PBX3: variants seen among roughly 807,000 people sequenced by gnomAD.
PBX3 encodes the protein pre-B-cell leukemia transcription factor 3.
Under a neutral mutation model 48.5 loss-of-function variants are expected in PBX3, and 14 were observed. The observed-to-expected ratio is 0.29, with a 90% confidence interval of 0.19 to 0.45. PBX3 has a LOEUF of 0.45. PBX3 is among the 20% of genes least tolerant of loss of function. The pLI is 1.00. For synonymous variants in PBX3, 210 were observed against 200.3 expected (o/e 1.05, Z -0.41); for missense variants, 386 against 546.7 (o/e 0.71, Z 2.93).
intron 2 of PBX3, among the ~76,000 whole-genome samples, chr9:125,775,088 A>G (rs905114353): frequency 2.6e-5 from 4 of 152,078 alleles, no homozygotes; most frequent in East Asian, 3.9e-4. Context: ...GCTGGTCTCA[A>G]ACTCCTGACT....
chr9:125,895,824 T>G (rs1482835936), intron 2 of PBX3, among the ~76,000 whole-genome samples: 2 of 152,052 alleles, frequency 1.3e-5, no homozygotes, highest in African/African-American at 4.8e-5. Context: ...AGCAGGTGTT[T>G]CTTCCATGTC....
At chr9:125,913,450 T>A (rs1025345935) in intron 2 of PBX3, among the ~76,000 whole-genome samples, 6 of 152,154 alleles carry the variant, frequency 3.9e-5, no homozygotes, top group African/African-American at 1.4e-4. Context: ...TGCTTCTTAT[T>A]GGTACAATAA....
chr9:125,908,014 G>C (rs1841116569), intron 2 of PBX3, among the ~76,000 whole-genome samples: 1 of 152,082 alleles, frequency 6.6e-6, no homozygotes, highest in South Asian at 2.1e-4. Flanking sequence ...TGCTCAATGT[G>C]TTTGAATTTG....
At chr9:125,811,046 A>G (rs1588170384) in intron 2 of PBX3, among the ~76,000 whole-genome samples, 1 of 152,162 alleles carries the variant, frequency 6.6e-6, no homozygotes, top group Non-Finnish European at 1.5e-5. Flanking sequence ...AGTAGCTAGC[A>G]TAGCTCCCAT....
At chr9:125,810,444 A>G (rs1253363047) in intron 2 of PBX3, among the ~76,000 whole-genome samples, 1 of 151,940 alleles carries the variant, frequency 6.6e-6, no homozygotes, top group African/African-American at 2.4e-5. Context: ...CTAGAAAACC[A>G]TACATGTAAG....
chr9:125,960,883 A>G, intron 6 of PBX3, 34 bp downstream of exon 6: 2 of 1,604,062 alleles, frequency 1.2e-6, no homozygotes, highest in Non-Finnish European at 8.5e-7. Flanking sequence ...CAACTGGCCC[A>G]GGCAGCCTTA....
chr9:125,793,399 T>C (rs960106220), intron 2 of PBX3, among the ~76,000 whole-genome samples: 1 of 128,798 alleles, frequency 7.8e-6, no homozygotes, highest in Non-Finnish European at 1.6e-5. Flanking sequence ...ATATTTACTA[T>C]TAAGTGGAAG....
chr9:125,866,707 C>T (rs1438525917), intron 2 of PBX3, among the ~76,000 whole-genome samples: 1 of 152,098 alleles, frequency 6.6e-6, no homozygotes, highest in East Asian at 1.9e-4. Context: ...ATCCTTTGTT[C>T]TAAAATGGCA....
In PBX3 at chr9:125,939,737, C is replaced by T. The variant is rs138946958; in HGVS notation, c.843+4130C>T. The stretch of plus-strand genomic sequence containing the variant: ...TATAATCCCACAATGGAGCACTATT[C>T]AGCAATGGAAAAAGAATGATCTACA... On this transcript the variant is annotated intron_variant, in intron 5 of 8. Coordinates refer to ENST00000373489, the MANE Select transcript of PBX3 (RefSeq NM_006195.6). Among the ~76,000 whole-genome samples, 14 of 152,208 alleles carry T rather than the reference C, an allele frequency of 9.2e-5. No individual in the cohort carries two copies. In the East Asian group the frequency reaches 2.5e-3, roughly 27 times the overall value.
chr9:125,856,119 A>C (rs1489343735), intron 2 of PBX3, among the ~76,000 whole-genome samples: 3 of 152,156 alleles, frequency 2.0e-5, no homozygotes, highest in Non-Finnish European at 4.4e-5. Context: ...TTTGCTATAG[A>C]AACAATGGAC....
chr9:125,907,688 C>T (rs1841107230), intron 2 of PBX3, among the ~76,000 whole-genome samples: 1 of 152,006 alleles, frequency 6.6e-6, no homozygotes, highest in Admixed American at 6.6e-5. Context: ...ACTCCAAAGC[C>T]ATGTTCTCCA....
At chr9:125,812,121 G>C (rs1230770935) in intron 2 of PBX3, among the ~76,000 whole-genome samples, 1 of 152,278 alleles carries the variant, frequency 6.6e-6, no homozygotes, top group East Asian at 1.9e-4. Flanking sequence ...TTGATCTTGG[G>C]CTTCCTAGCT....
At chr9:125,861,186 C>G (rs2132289704) in intron 2 of PBX3, among the ~76,000 whole-genome samples, 1 of 151,798 alleles carries the variant, frequency 6.6e-6, no homozygotes, top group African/African-American at 2.4e-5. Context: ...TCCTAGCTAC[C>G]CGGGAGGTTG....
At chr9:125,868,369 C>T (rs1305822764) in intron 2 of PBX3, among the ~76,000 whole-genome samples, 1 of 152,120 alleles carries the variant, frequency 6.6e-6, no homozygotes, top group Non-Finnish European at 1.5e-5. Flanking sequence ...CAGTTTCTAG[C>T]CATATGGGTA....
chr9:125,780,990 C>T (rs1837286598), intron 2 of PBX3, among the ~76,000 whole-genome samples: 4 of 104,032 alleles, frequency 3.8e-5, no homozygotes, highest in Admixed American at 9.8e-5. Flanking sequence ...CTCCTCACTT[C>T]CTAGATGGGA....
chr9:125,920,403 A>G (rs1030089532), intron 3 of PBX3, among the ~76,000 whole-genome samples: 9 of 152,184 alleles, frequency 5.9e-5, no homozygotes, highest in Non-Finnish European at 1.0e-4. Flanking sequence ...TTAAGAAGTA[A>G]AGGCCTCCTA....
At chr9:125,750,731 A>C (rs1315779296) in intron 2 of PBX3, among the ~76,000 whole-genome samples, 4 of 152,180 alleles carry the variant, frequency 2.6e-5, no homozygotes, top group Non-Finnish European at 5.9e-5. Context: ...CTTTTGTAAA[A>C]AGCCAACAGC....
chr9:125,948,324 A>G (rs1842109574), intron 5 of PBX3, among the ~76,000 whole-genome samples: 1 of 152,252 alleles, frequency 6.6e-6, no homozygotes, highest in Non-Finnish European at 1.5e-5. Context: ...AACAATTTGA[A>G]AGTTGACTAT....
intron 8 of PBX3, among the ~76,000 whole-genome samples, chr9:125,963,976 T>C (rs1252287831): frequency 6.6e-6 from 1 of 152,200 alleles, no homozygotes; most frequent in Non-Finnish European, 1.5e-5. Context: ...AAATAACTCA[T>C]AATAACCCAC....
Sources: gnomAD v4.1 joint callset for allele counts (sites outside exome capture counted in the v4.1 genomes callset) on GRCh38, gnomAD v4.1.1 for gene constraint, MANE v1.5 for transcripts, NCBI Gene and HGNC (gene_info 2026-07-23, HGNC 2026-07-21) for gene names.